Variants in WDR72 observed in about 807,000 individuals in gnomAD.
WDR72 encodes WD repeat domain 72.
A neutral mutation model predicts 124.2 loss-of-function variants in WDR72; 120 were observed. The ratio of observed to expected loss-of-function variants is 0.97; its 90% confidence interval spans 0.83 to 1.12. The LOEUF is 1.12. WDR72 is among the 50% of genes most tolerant of loss of function. The pLI, the probability that WDR72 is intolerant of heterozygous loss-of-function variation, is 0.00. For synonymous variants in WDR72, 452 were observed against 441.7 expected (o/e 1.02, Z -0.29); for missense variants, 1,387 against 1,278.8 (o/e 1.08, Z -1.29).
At position 53,759,068 on chromosome 15, in the gene WDR72, G is replaced by T. The variant is rs373042708; in HGVS notation, c.-13+565C>A. Among the ~76,000 whole-genome samples, 9 of 152,182 alleles carry T rather than the reference G, an allele frequency of 5.9e-5. No individual in the cohort carries two copies. The East Asian group carries it at 1.4e-3, about 23-fold the overall frequency. ...GACTCAGCCCAAGCGGCAGAGCAAG[G>T]AAAGTTTCGCCAGCCCCCGTCCCCA... On this transcript the variant is annotated intron_variant, in intron 1 of 19. Coordinates refer to ENST00000360509, the MANE Select transcript of WDR72 (RefSeq NM_182758.4).
At chr15:53,590,633 C>T (rs1010565319) in intron 18 of WDR72, among the ~76,000 whole-genome samples, 3 of 151,954 alleles carry the variant, frequency 2.0e-5, no homozygotes, top group Non-Finnish European at 4.4e-5. Context: ...CAATGTAATA[C>T]GGTGATGAAG....
intron 13 of WDR72, among the ~76,000 whole-genome samples, chr15:53,678,893 T>G (rs1015981985): frequency 3.3e-5 from 5 of 152,196 alleles, no homozygotes; most frequent in African/African-American, 1.2e-4. Context: ...AGCCAAAAGA[T>G]GGAAGCAACC....
chr15:53,732,172 T>C (rs1258442618), intron 2 of WDR72, among the ~76,000 whole-genome samples: 1 of 152,214 alleles, frequency 6.6e-6, no homozygotes, highest in Non-Finnish European at 1.5e-5. Context: ...GGCAGTCCTG[T>C]AGTAGAACTG....
At chr15:53,734,319 T>A (rs1289476863) in intron 1 of WDR72, among the ~76,000 whole-genome samples, 1 of 152,198 alleles carries the variant, frequency 6.6e-6, no homozygotes, top group Non-Finnish European at 1.5e-5. Context: ...TGCATTATTC[T>A]AACTGCCATG....
At chr15:53,712,984 A>C (rs1284536648) in intron 6 of WDR72, 93 bp from the exon 7 acceptor site, 2 of 1,430,968 alleles carry the variant, frequency 1.4e-6, no homozygotes, top group Non-Finnish European at 1.9e-6. Flanking sequence ...CAAGTAGATC[A>C]CACCATTATA....
At chr15:53,644,299 T>A (rs1326933439) in intron 14 of WDR72, among the ~76,000 whole-genome samples, 4 of 152,096 alleles carry the variant, frequency 2.6e-5, no homozygotes, top group Admixed American at 6.6e-5. Context: ...CTTTTCTTGG[T>A]GGTACATAGT....
intron 18 of WDR72, among the ~76,000 whole-genome samples, chr15:53,544,895 G>C (rs1346293153): frequency 6.6e-5 from 10 of 151,262 alleles, no homozygotes; most frequent in Admixed American, 1.3e-4. Context: ...CAAATCATGA[G>C]TGAACTCCCA....
intron 18 of WDR72, among the ~76,000 whole-genome samples, chr15:53,588,043 A>G (rs905497649): frequency 4.6e-5 from 7 of 152,030 alleles, no homozygotes; most frequent in Admixed American, 4.6e-4. Context: ...ATAAATTTGA[A>G]GCAATGCCCC....
chr15:53,760,945 G>A (rs959854692), upstream of WDR72, among the ~76,000 whole-genome samples: 32 of 152,224 alleles, frequency 2.1e-4, no homozygotes, highest in Non-Finnish European at 3.4e-4. Context: ...TCAACATGAT[G>A]AAAACCTGTC....
intron 1 of WDR72, among the ~76,000 whole-genome samples, chr15:53,737,987 T>G (rs2018404964): frequency 1.3e-5 from 2 of 152,066 alleles, no homozygotes; most frequent in Admixed American, 6.6e-5. Flanking sequence ...AAATCTGAAA[T>G]TGCCTCCTTC....
chr15:53,732,929 G>T, intron 2 of WDR72, 68 bp downstream of exon 2: 1 of 1,580,254 alleles, frequency 6.3e-7, no homozygotes, highest in Non-Finnish European at 8.7e-7. Context: ...TGTCATTGCA[G>T]ATAGAAAATG....
At chr15:53,744,416 G>C (rs1395372480) in intron 1 of WDR72, among the ~76,000 whole-genome samples, 1 of 152,148 alleles carries the variant, frequency 6.6e-6, no homozygotes, top group Non-Finnish European at 1.5e-5. Flanking sequence ...CAGTAATGCA[G>C]TCCTGCTGAT....
At chr15:53,669,332 G>A (rs689669) in intron 13 of WDR72, among the ~76,000 whole-genome samples, 139,676 of 152,140 alleles carry the variant, frequency 0.92, 64,393 homozygotes, top group East Asian at 1. Flanking sequence ...TTGCCATTCA[G>A]TACATATAAC....
intron 18 of WDR72, among the ~76,000 whole-genome samples, chr15:53,585,863 G>A (rs1281084511): frequency 6.6e-6 from 1 of 151,984 alleles, no homozygotes; most frequent in Non-Finnish European, 1.5e-5. Context: ...CTCACATCTG[G>A]GAAAGGAGTC....
Position 53,605,038 on chromosome 15 carries a change from T to C in WDR72, c.2952+4475A>G, listed in dbSNP as rs117352248. 3.7e-4 allele frequency among the ~76,000 whole-genome samples: 56 copies of C among 152,252 alleles called. No homozygotes were observed. The South Asian group carries it at 8.5e-3, about 23-fold the overall frequency. ...ATTCTATTATAAAGACACATGAACA[T>C]GTATGTTCATTGCAGATCTATTCAC... On this transcript the variant is annotated intron_variant, in intron 17 of 19. Coordinates refer to ENST00000360509, the MANE Select transcript of WDR72 (RefSeq NM_182758.4).
intron 1 of WDR72, among the ~76,000 whole-genome samples, chr15:53,740,216 C>G (rs1486110361): frequency 1.1e-4 from 17 of 152,036 alleles, no homozygotes; most frequent in African/African-American, 4.1e-4. Flanking sequence ...ACACTTCCCC[C>G]AAGGATAGAG....
At chr15:53,626,424 C>G (rs1278738696) in intron 14 of WDR72, among the ~76,000 whole-genome samples, 1 of 152,156 alleles carries the variant, frequency 6.6e-6, no homozygotes, top group Non-Finnish European at 1.5e-5. Context: ...GACACCCTGC[C>G]GGATCCAAGG....
intron 1 of WDR72, among the ~76,000 whole-genome samples, chr15:53,746,884 T>C (rs1184880261): frequency 1.3e-5 from 2 of 152,122 alleles, no homozygotes; most frequent in African/African-American, 2.4e-5. Flanking sequence ...AACAAATGGA[T>C]AGATAGGACA....
chr15:53,594,159 T>C (rs1228119854), intron 18 of WDR72, among the ~76,000 whole-genome samples: 3 of 152,120 alleles, frequency 2.0e-5, no homozygotes, highest in African/African-American at 4.8e-5. Context: ...CCTTGTGACA[T>C]TGTTGCCATA....
Sources: allele counts gnomAD v4.1 joint callset (sites outside exome capture counted in the v4.1 genomes callset), GRCh38; gene constraint gnomAD v4.1.1; transcripts MANE v1.5; gene names NCBI Gene and HGNC (gene_info 2026-07-23, HGNC 2026-07-21).